ATP11C: variants seen among roughly 807,000 people sequenced by gnomAD.
The protein encoded by ATP11C is ATPase phospholipid transporting 11C (ATP11C blood group).
A neutral mutation model predicts 97.4 loss-of-function variants in ATP11C; 36 were observed. The ratio of observed to expected loss-of-function variants is 0.37; its 90% CI spans 0.28 to 0.49. ATP11C has a LOEUF of 0.49. Among genes scored for constraint, ATP11C ranks in the 20% least tolerant of loss-of-function variants. The pLI, the probability that ATP11C is intolerant of heterozygous loss-of-function variation, is 0.98. For synonymous variants in ATP11C, 275 were observed against 290.9 expected, an observed-to-expected ratio of 0.95 and a Z score of 0.56; for missense variants, 730 against 824.6, an observed-to-expected ratio of 0.89 and a Z score of 1.40.
intron 22 of ATP11C, 88 bp downstream of exon 22, chrX:139,761,871 TAA>T (rs377533132): frequency 1.8e-3 from 990 of 549,581 alleles, no homozygotes; most frequent in South Asian, 2.3e-3. Flanking sequence ...AAAGCAGCAT[TAA>T]AAAAAAAAAA....
intron 24 of ATP11C, among the ~76,000 whole-genome samples, chrX:139,747,180 G>A (rs368231866): frequency 1.8e-5 from 2 of 111,718 alleles, no homozygotes; most frequent in South Asian, 7.5e-4. Context: ...AGGCACCTCC[G>A]TAAAGATCCT....
intron 1 of ATP11C, among the ~76,000 whole-genome samples, chrX:139,924,483 C>T (rs2085321246): frequency 9.0e-6 from 1 of 111,538 alleles, no homozygotes; most frequent in Admixed American, 9.6e-5. Flanking sequence ...ACATAGCAGG[C>T]CTGACACTGC....
chrX:139,852,468 G>A (rs1189309327), intron 1 of ATP11C, among the ~76,000 whole-genome samples: 1 of 23,287 alleles, frequency 4.3e-5, no homozygotes, highest in Non-Finnish European at 1.4e-4. Flanking sequence ...GGGGGGGGGG[G>A]GGGGGGGGGG....
intron 5 of ATP11C, among the ~76,000 whole-genome samples, chrX:139,807,863 G>A (rs2083078280): frequency 9.1e-6 from 1 of 109,403 alleles, no homozygotes; most frequent in African/African-American, 3.4e-5. Context: ...GAGGTGGGAG[G>A]ACTGCCTGAG....
intron 1 of ATP11C, among the ~76,000 whole-genome samples, chrX:139,911,660 C>G (rs1439106876): frequency 9.0e-6 from 1 of 110,875 alleles, no homozygotes; most frequent in East Asian, 2.8e-4. Context: ...AAATCCTACA[C>G]ACACACACAC....
chrX:139,865,562 C>T (rs2084267513), intron 1 of ATP11C, among the ~76,000 whole-genome samples: 1 of 110,114 alleles, frequency 9.1e-6, no homozygotes, highest in Non-Finnish European at 1.9e-5. Context: ...GAGATTGAGA[C>T]CATCCTGGCC....
chrX:139,789,580 G>C, intron 12 of ATP11C, 92 bp from the exon 13 acceptor site: 1 of 661,653 alleles, frequency 1.5e-6, no homozygotes. Context: ...ATATCCATAG[G>C]AAATCACCCC....
chrX:139,823,956 G>A (rs1603390120), intron 2 of ATP11C, among the ~76,000 whole-genome samples: 1 of 108,899 alleles, frequency 9.2e-6, no homozygotes. Flanking sequence ...AACTCAAACA[G>A]TAAGAAAAAA....
chrX:139,892,014 G>A (rs935700287), intron 1 of ATP11C, among the ~76,000 whole-genome samples: 72 of 110,760 alleles, frequency 6.5e-4, no homozygotes, highest in African/African-American at 2.2e-3. Flanking sequence ...ACACCACCAC[G>A]CTTGGCTAAT....
At position 139,768,354 on chromosome X, in the gene ATP11C, G is replaced by C; in HGVS notation, c.2297C>G (p.Ser766Cys). 8.5e-7 allele frequency: 1 copy of C among 1,182,988 alleles called. No homozygotes were observed. Among genetic ancestry groups the C allele is most frequent in the Non-Finnish European group, 1.1e-6 (1 of 877,686 alleles). The change falls in exon 20 of 30, where the codon TCT (serine) becomes TGT (cysteine). Residue 766 changes from serine (S) to cysteine (C), a missense_variant. Transcript: ENST00000682941. ...LSLILNSSQDSSSNNYKSIFL... is the reference protein window; with the variant it reads ...LSLILNSSQDCSSNNYKSIFL... ...AATGCTTTTGTAATTGTTTGAACTA[G>C]AGTCTTGACTAGAATTTAGTATGAG... is the stretch of plus-strand genomic sequence containing the variant.
intron 5 of ATP11C, among the ~76,000 whole-genome samples, chrX:139,806,126 T>C (rs924829560): frequency 9.0e-6 from 1 of 111,553 alleles, no homozygotes; most frequent in Non-Finnish European, 1.9e-5. Flanking sequence ...TGTAGTCAGA[T>C]ATGAAATATA....
chrX:139,809,691 C>T (rs938317588), intron 5 of ATP11C, among the ~76,000 whole-genome samples: 2 of 112,017 alleles, frequency 1.8e-5, no homozygotes, highest in African/African-American at 3.2e-5. Flanking sequence ...GGGCCTGGCG[C>T]GGTGGCTCAT....
At position 139,852,539 on chromosome X, in the gene ATP11C, G is replaced by A. The variant is rs970908780; in HGVS notation, c.28-25716C>T. ...ACATACTGTGGCAATGACTCTGTGC[G>A]CAGACCAAGGAAGGATAAGCCGCGG... On this transcript the variant is annotated intron_variant, in intron 1 of 29. Coordinates refer to ENST00000682941, the MANE Select transcript of ATP11C (RefSeq NM_001353812.2). 6.5e-5 allele frequency among the ~76,000 whole-genome samples: 6 copies of A among 92,647 alleles called. No homozygotes were observed. In the South Asian group the frequency reaches 3.9e-3, roughly 60 times the overall value. The allele number at this position is 92,647 out of a possible 115,157, so 80.5% of individuals were successfully genotyped here.
intron 1 of ATP11C, among the ~76,000 whole-genome samples, chrX:139,887,825 G>A (rs1004032777): frequency 1.8e-5 from 2 of 108,894 alleles, no homozygotes; most frequent in Non-Finnish European, 3.8e-5. Context: ...CAAAAAATTA[G>A]CTAGGCATGG....
chrX:139,821,943 T>A (rs2083417233), intron 2 of ATP11C, among the ~76,000 whole-genome samples: 1 of 112,199 alleles, frequency 8.9e-6, no homozygotes, highest in African/African-American at 3.2e-5. Flanking sequence ...CTTTTTAGAG[T>A]TTTCTAACTA....
In ATP11C at chrX:139,842,190, C is replaced by T. The variant is rs776781194; in HGVS notation, c.28-15367G>A. 1.4e-3 allele frequency among the ~76,000 whole-genome samples: 155 copies of T among 112,399 alleles called. 1 individual carries two copies. The highest frequency in any genetic ancestry group is 4.6e-3 in the Middle Eastern group (1 of 219). ...GGGACTACAGGCACCCGCCACCACACGCACCTAATTTGTTTGTATTTTTAG... is the reference window on the plus strand; with the variant it reads ...GGGACTACAGGCACCCGCCACCACATGCACCTAATTTGTTTGTATTTTTAG... On this transcript the variant is annotated intron_variant, in intron 1 of 29. Coordinates refer to ENST00000682941, the MANE Select transcript of ATP11C (RefSeq NM_001353812.2).
In ATP11C at chrX:139,892,235, G is replaced by A. The variant is rs966918224; in HGVS notation, c.27+39781C>T. Among the ~76,000 whole-genome samples, 11 of 111,711 alleles carry A rather than the reference G, an allele frequency of 9.8e-5. No individual in the cohort carries two copies. In the East Asian group the frequency reaches 2.8e-3, roughly 29 times the overall value. ...ATAATTAAGCTACTGAAGGCAGGCA[G>A]CATGGCAGATCAAAAAGTACAGAAT... On this transcript the variant is annotated intron_variant, in intron 1 of 29. Transcript: ENST00000682941.
At chrX:139,760,590 C>T (rs2082018375) in intron 22 of ATP11C, among the ~76,000 whole-genome samples, 1 of 111,438 alleles carries the variant, frequency 9.0e-6, no homozygotes, top group Non-Finnish European at 1.9e-5. Flanking sequence ...TTGGAAGATG[C>T]ACTAAATACT....
At position 139,728,392 on chromosome X, in the gene ATP11C, A is replaced by G. The variant is rs1001983932; in HGVS notation, c.*574T>C. ...ACCAAGACATTAGTAGCACATGGGT[A>G]AACAGAAGGGATTAACTATTCTGTC... On this transcript the variant is annotated 3_prime_UTR_variant, in exon 30 of 30. Coordinates refer to ENST00000682941, the MANE Select transcript of ATP11C (RefSeq NM_001353812.2). 2 of 112,570 alleles carry G rather than the reference A, an allele frequency of 1.8e-5. No individual in the cohort carries two copies. The highest frequency in any genetic ancestry group is 3.8e-5 in the Non-Finnish European group (2 of 53,200). The allele number at this position is 112,570 out of a possible 1,213,427, so 9.3% of individuals were successfully genotyped here. A position where few individuals can be genotyped will look rare whatever the true frequency, so the allele number is the denominator to read the frequency against.
Sources: gnomAD v4.1 joint callset for allele counts (sites outside exome capture counted in the v4.1 genomes callset) on GRCh38, gnomAD v4.1.1 for gene constraint, MANE v1.5 for transcripts, NCBI Gene and HGNC (gene_info 2026-07-23, HGNC 2026-07-21) for gene names.